Variants in MAGI2 observed in about 807,000 individuals in gnomAD.
The protein encoded by MAGI2 is membrane-associated guanylate kinase, WW and PDZ domain-containing protein 2.
A neutral mutation model predicts 133.3 loss-of-function variants in MAGI2; 35 were observed. The ratio of observed to expected loss-of-function variants is 0.26; its 90% CI spans 0.20 to 0.35. The LOEUF (loss-of-function observed/expected upper bound fraction) is 0.35. Ranked by LOEUF, MAGI2 falls within the 10% of genes least tolerant of loss-of-function variation. The pLI is 1.00. For synonymous variants in MAGI2, 729 were observed against 710.6 expected, an observed-to-expected ratio of 1.03 and a Z score of -0.41; for missense variants, 1,636 against 1,863.4, an observed-to-expected ratio of 0.88 and a Z score of 2.25.
At chr7:78,145,146 A>G (rs977204361) in intron 16 of MAGI2, among the ~76,000 whole-genome samples, 1 of 152,186 alleles carries the variant, frequency 6.6e-6, no homozygotes, top group Admixed American at 6.5e-5. Context: ...TTAGAATTCT[A>G]GATTGTATGA....
intron 20 of MAGI2, among the ~76,000 whole-genome samples, chr7:78,104,357 G>C (rs1489461261): frequency 6.6e-6 from 1 of 151,882 alleles, no homozygotes; most frequent in Non-Finnish European, 1.5e-5. Context: ...CGAGTAGCTG[G>C]GACTACAGGC....
chr7:79,379,230 C>T (rs1326588886), intron 1 of MAGI2, among the ~76,000 whole-genome samples: 11 of 150,644 alleles, frequency 7.3e-5, no homozygotes, highest in African/African-American at 2.2e-4. Flanking sequence ...TTTGTCCTTG[C>T]GATAGTTTGC....
chr7:79,230,465 CT>C (rs1193404144), intron 1 of MAGI2, among the ~76,000 whole-genome samples: 2 of 151,838 alleles, frequency 1.3e-5, no homozygotes, highest in East Asian at 3.9e-4. Context: ...TGTTTCCTGA[CT>C]TTTTAATGAC....
chr7:79,323,852 A>G (rs1839388651), intron 1 of MAGI2, among the ~76,000 whole-genome samples: 1 of 152,148 alleles, frequency 6.6e-6, no homozygotes, highest in Admixed American at 6.5e-5. Flanking sequence ...ATCCCTGGAC[A>G]GCAAGAGAAT....
intron 1 of MAGI2, among the ~76,000 whole-genome samples, chr7:79,237,611 C>T (rs189464434): frequency 1.6e-4 from 25 of 152,244 alleles, no homozygotes; most frequent in Non-Finnish European, 2.5e-4. Flanking sequence ...CCCTGTCTCC[C>T]GGTCTCTCTC....
intron 10 of MAGI2, among the ~76,000 whole-genome samples, chr7:78,205,854 C>A (rs556568160): frequency 5.3e-5 from 8 of 152,104 alleles, no homozygotes; most frequent in Non-Finnish European, 1.2e-4. Context: ...TTTTGAGAAA[C>A]CTTAGAACAT....
intron 1 of MAGI2, among the ~76,000 whole-genome samples, chr7:79,174,663 C>T (rs1433026334): frequency 2.7e-5 from 4 of 149,326 alleles, no homozygotes; most frequent in African/African-American, 1.0e-4. Flanking sequence ...AACAAGACCC[C>T]CATCTCTATA....
chr7:78,504,398 A>G (rs1043945601), intron 4 of MAGI2, among the ~76,000 whole-genome samples: 1 of 152,158 alleles, frequency 6.6e-6, no homozygotes, highest in Non-Finnish European at 1.5e-5. Context: ...TCTGCTGTCA[A>G]GGATAAACAA....
chr7:78,465,589 A>C (rs1395960164), intron 6 of MAGI2, among the ~76,000 whole-genome samples: 2 of 152,218 alleles, frequency 1.3e-5, no homozygotes, highest in Non-Finnish European at 2.9e-5. Context: ...TATTTTGCCC[A>C]AAACTAGCAA....
At chr7:78,834,709 TC>T (rs1030728906) in intron 2 of MAGI2, among the ~76,000 whole-genome samples, 25 of 152,154 alleles carry the variant, frequency 1.6e-4, no homozygotes, top group African/African-American at 6.0e-4. Flanking sequence ...TGGGTATTTG[TC>T]CCCACCCAAA....
At chr7:79,219,990 G>A (rs1364356761) in intron 1 of MAGI2, among the ~76,000 whole-genome samples, 1 of 151,606 alleles carries the variant, frequency 6.6e-6, no homozygotes, top group African/African-American at 2.4e-5. Context: ...CTCATATGGG[G>A]TTGAAAAAAG....
intron 1 of MAGI2, among the ~76,000 whole-genome samples, chr7:79,242,038 C>T (rs1398864373): frequency 6.6e-6 from 1 of 152,160 alleles, no homozygotes. Flanking sequence ...CCATCTACCA[C>T]TTGGCTAGCA....
intron 2 of MAGI2, among the ~76,000 whole-genome samples, chr7:78,882,814 A>AT (rs1795980849): frequency 6.6e-6 from 1 of 152,122 alleles, no homozygotes; most frequent in Non-Finnish European, 1.5e-5. Context: ...ACATCCCTTC[A>AT]TGATAGACAC....
intron 2 of MAGI2, among the ~76,000 whole-genome samples, chr7:78,826,860 G>A (rs1790701366): frequency 6.6e-6 from 1 of 152,102 alleles, no homozygotes; most frequent in South Asian, 2.1e-4. Flanking sequence ...GCGAAAGTGT[G>A]CAGGTTACAC....
intron 2 of MAGI2, among the ~76,000 whole-genome samples, chr7:78,631,032 C>CTG (rs1339818313): frequency 8.6e-5 from 13 of 151,980 alleles, no homozygotes; most frequent in Non-Finnish European, 1.9e-4. Flanking sequence ...CTCATGGTGG[C>CTG]TGAGCACATC....
intron 21 of MAGI2, among the ~76,000 whole-genome samples, chr7:78,052,041 T>C (rs1428930302): frequency 7.2e-5 from 11 of 152,024 alleles, no homozygotes; most frequent in Non-Finnish European, 1.3e-4. Context: ...TGGCTAATTT[T>C]TGTATATTTT....
At chr7:78,526,350 AGTGT>A (rs1229577015) in intron 3 of MAGI2, among the ~76,000 whole-genome samples, 2 of 152,198 alleles carry the variant, frequency 1.3e-5, no homozygotes, top group Non-Finnish European at 2.9e-5. Context: ...TTTAAAAATA[AGTGT>A]GTGTGTGTTT....
intron 1 of MAGI2, among the ~76,000 whole-genome samples, chr7:79,322,288 A>C (rs1839240210): frequency 6.6e-6 from 1 of 152,140 alleles, no homozygotes; most frequent in Non-Finnish European, 1.5e-5. Flanking sequence ...AGCAAAAACC[A>C]GCTTCCATGT....
intron 18 of MAGI2, 125 bp downstream of exon 18, chr7:78,132,764 G>T (rs536761393): frequency 2.9e-6 from 4 of 1,368,340 alleles, no homozygotes; most frequent in Admixed American, 3.8e-5. Context: ...TCACACAAAG[G>T]TATGCACGGC....
Sources: allele counts gnomAD v4.1 joint callset (sites outside exome capture counted in the v4.1 genomes callset), GRCh38; gene constraint gnomAD v4.1.1; transcripts MANE v1.5; gene names NCBI Gene and HGNC (gene_info 2026-07-23, HGNC 2026-07-21).